The following ARMC2 variants were observed in gnomAD, a reference collection of about 807,000 sequenced individuals.
ARMC2 encodes the protein armadillo repeat-containing protein 2.
A neutral mutation model predicts 90.3 loss-of-function variants in ARMC2; 67 were observed. The ratio of observed to expected loss-of-function variants is 0.74; its 90% CI spans 0.61 to 0.91. ARMC2 has a LOEUF of 0.91. ARMC2 is among the 40% of genes least tolerant of loss of function. The pLI is 0.00. For missense variants in ARMC2, 920 were observed against 1,030.9 expected, an observed-to-expected ratio of 0.89 and a Z score of 1.47; for synonymous variants, 393 against 393.0, an observed-to-expected ratio of 1.00 and a Z score of 0.00.
intron 4 of ARMC2, among the ~76,000 whole-genome samples, chr6:108,872,148 C>G (rs1776481243): frequency 6.6e-6 from 1 of 152,168 alleles, no homozygotes; most frequent in South Asian, 2.1e-4. Flanking sequence ...GCTGTGAAGT[C>G]ATTTGTGGCT....
chr6:108,953,042 G>A lies in ARMC2; in HGVS notation c.1606G>A (p.Val536Ile), dbSNP rs373141097. 5.6e-6 allele frequency: 9 copies of A among 1,607,812 alleles called. No individual in the cohort carries two copies. In the East Asian group the frequency reaches 6.7e-5, roughly 12 times the overall value. ...NKYQKKQDLV[V>I]RVVFILGNLT... ...CTTTCGTTTATTGCAGGATTTAGTC[G>A]TCCGTGTTGTTTTTATTCTTGGCAA... The change falls in exon 13 of 18, where the codon GTC (valine) becomes ATC (isoleucine). Residue 536 changes from valine to isoleucine, a missense_variant. Val to Ile is a conservative substitution (Grantham distance 29). Coordinates refer to ENST00000392644, the MANE Select transcript of ARMC2 (RefSeq NM_032131.6).
chr6:108,873,116 T>G (rs1031949332), intron 4 of ARMC2, among the ~76,000 whole-genome samples: 2 of 152,226 alleles, frequency 1.3e-5, no homozygotes, highest in Non-Finnish European at 2.9e-5. Context: ...CCTTATGGTC[T>G]CTGCTCAGCC....
chr6:108,864,472 C>A (rs1439700735), intron 3 of ARMC2, among the ~76,000 whole-genome samples: 2 of 152,148 alleles, frequency 1.3e-5, no homozygotes, highest in Non-Finnish European at 2.9e-5. Flanking sequence ...TGGTCTCGAT[C>A]TCTTGACCTT....
the ARMC2 span, among the ~76,000 whole-genome samples, chr6:108,981,522 T>C: frequency 6.6e-6 from 1 of 152,182 alleles, no homozygotes; most frequent in African/African-American, 2.4e-5. Flanking sequence ...ATACTTTCCA[T>C]TTCTATGAAT....
chr6:108,915,557 G>A (rs9374059), intron 10 of ARMC2, among the ~76,000 whole-genome samples: 5,631 of 152,246 alleles, frequency 0.037, 232 homozygotes, highest in East Asian at 0.2. Context: ...CTCATTGAAA[G>A]AGTGGAAAAC....
rs1007179782 is a variant in ARMC2, at chr6:108,953,259, C to T, written c.1823C>T (p.Thr608Ile). The change falls in exon 13 of 18, where the codon ACT becomes ATT. Residue 608 changes from threonine (T) to isoleucine (I), a missense_variant. By Grantham distance (89) the Thr-to-Ile change is moderately conservative. Coordinates refer to ENST00000392644, the MANE Select transcript of ARMC2 (RefSeq NM_032131.6). ...SEAEDVLIKLTRVLANIAIHP... is the reference protein window; with the variant it reads ...SEAEDVLIKLIRVLANIAIHP... ...GCAGAGGACGTGCTCATCAAGCTGACTCGTGTGCTGGCCAACATTGCCATC... is the reference window on the plus strand; with the variant it reads ...GCAGAGGACGTGCTCATCAAGCTGATTCGTGTGCTGGCCAACATTGCCATC... The T allele has an allele frequency of 6.2e-7, 1 of 1,613,440 alleles. No individual in the cohort carries two copies. The highest frequency in any genetic ancestry group is 1.1e-5 in the South Asian group (1 of 91,086).
At chr6:108,945,806 C>T (rs1292314793) in intron 12 of ARMC2, among the ~76,000 whole-genome samples, 1 of 152,258 alleles carries the variant, frequency 6.6e-6, no homozygotes, top group South Asian at 2.1e-4. Context: ...TGACCACAGC[C>T]TTTCAGCATT....
At chr6:109,049,058 A>T in the ARMC2 span, among the ~76,000 whole-genome samples, 3 of 152,232 alleles carry the variant, frequency 2.0e-5, no homozygotes, top group African/African-American at 7.2e-5. Context: ...GAACATGTGT[A>T]TGAATAAATG....
the ARMC2 span, among the ~76,000 whole-genome samples, chr6:108,998,074 A>G: frequency 1.3e-5 from 2 of 152,332 alleles, no homozygotes; most frequent in Admixed American, 1.3e-4. Context: ...AAGTTGATTA[A>G]ATCTTCTGAA....
At chr6:108,888,812 CCTT>C (rs1212422463) in intron 5 of ARMC2, among the ~76,000 whole-genome samples, 2 of 152,180 alleles carry the variant, frequency 1.3e-5, no homozygotes, top group Non-Finnish European at 2.9e-5. Flanking sequence ...TGAATGTGTT[CCTT>C]CTTCTCCAAT....
intron 1 of ARMC2, among the ~76,000 whole-genome samples, chr6:108,853,174 G>T (rs901874984): frequency 6.6e-6 from 1 of 152,142 alleles, no homozygotes; most frequent in African/African-American, 2.4e-5. Context: ...CATATGAAAA[G>T]TATGACATAT....
chr6:108,919,289 G>A (rs746552202), intron 10 of ARMC2, among the ~76,000 whole-genome samples: 1 of 152,180 alleles, frequency 6.6e-6, no homozygotes, highest in Non-Finnish European at 1.5e-5. Flanking sequence ...TTGTATTTAG[G>A]TGTTTAGATA....
chr6:108,889,078 T>C (rs149870383), intron 5 of ARMC2, among the ~76,000 whole-genome samples: 3 of 152,318 alleles, frequency 2.0e-5, no homozygotes, highest in African/African-American at 7.2e-5. Flanking sequence ...TATGCCTGTC[T>C]TTATTTTCAC....
the ARMC2 span, chr6:108,994,415 AG>A: frequency 6.7e-7 from 1 of 1,490,012 alleles, no homozygotes; most frequent in Admixed American, 2.0e-5. Context: ...CTAAATAAAA[AG>A]TTGAGTTTGC....
intron 2 of ARMC2, 99 bp downstream of exon 2, chr6:108,854,584 T>C (rs777262970): frequency 3.4e-4 from 414 of 1,229,084 alleles, no homozygotes; most frequent in Non-Finnish European, 4.3e-4. Flanking sequence ...AATAGACTTA[T>C]TTTTTAGAAC....
intron 4 of ARMC2, among the ~76,000 whole-genome samples, chr6:108,873,725 T>A (rs561157508): frequency 6.6e-6 from 1 of 152,296 alleles, no homozygotes; most frequent in South Asian, 2.1e-4. Context: ...TCTCTTTTCT[T>A]CAAGCTGTTT....
chr6:108,994,698 C>CTTTT, the ARMC2 span: 57 of 292,978 alleles, frequency 1.9e-4, no homozygotes, highest in African/African-American at 3.4e-4. Flanking sequence ...GAATTTATAT[C>CTTTT]TTTTTTTTTT....
At chr6:108,861,294 G>A (rs756125906) in intron 3 of ARMC2, among the ~76,000 whole-genome samples, 33 of 152,322 alleles carry the variant, frequency 2.2e-4, no homozygotes, top group Middle Eastern at 6.8e-3. Flanking sequence ...GTGTGTGTGC[G>A]TGCACACGCA....
At chr6:108,860,641 G>A (rs143603257) in intron 3 of ARMC2, among the ~76,000 whole-genome samples, 1,454 of 137,210 alleles carry the variant, frequency 0.011, 33 homozygotes, top group African/African-American at 0.038. Flanking sequence ...CAGCCTGGGC[G>A]ACAGAGCAAG....
Sources: gnomAD v4.1 joint callset for allele counts (sites outside exome capture counted in the v4.1 genomes callset) on GRCh38, gnomAD v4.1.1 for gene constraint, MANE v1.5 for transcripts, NCBI Gene and HGNC (gene_info 2026-07-23, HGNC 2026-07-21) for gene names.